The following EXPH5 variants were observed in gnomAD, a reference collection of about 807,000 sequenced individuals.
EXPH5 encodes the protein exophilin 5.
EXPH5 carries 42 observed loss-of-function variants against 41.1 expected under a neutral mutation model. That is an observed-to-expected ratio of 1.02 (90% CI 0.80 to 1.32). The LOEUF (loss-of-function observed/expected upper bound fraction) is 1.32, where lower values mean the gene tolerates loss of function less well. Among genes scored for constraint, EXPH5 ranks in the 40% most tolerant of loss-of-function variants. The pLI is 0.00. For synonymous variants in EXPH5, 798 were observed against 833.5 expected (o/e 0.96, Z 0.73); for missense variants, 2,298 against 2,314.5 (o/e 0.99, Z 0.15).
chr11:108,582,338 G>T (rs554302444), intron 1 of EXPH5, among the ~76,000 whole-genome samples: 2 of 152,118 alleles, frequency 1.3e-5, no homozygotes, highest in South Asian at 2.1e-4. Flanking sequence ...GGTGGCACAC[G>T]CCTGTAGTCC....
At chr11:108,537,073 A>T (rs1405107530) in intron 3 of EXPH5, among the ~76,000 whole-genome samples, 1 of 152,070 alleles carries the variant, frequency 6.6e-6, no homozygotes, top group East Asian at 1.9e-4. Context: ...TTGATTTTCT[A>T]TTTCAGATCA....
chr11:108,525,382 CA>C (rs2093791786), intron 4 of EXPH5, among the ~76,000 whole-genome samples: 1 of 152,150 alleles, frequency 6.6e-6, no homozygotes, highest in Non-Finnish European at 1.5e-5. Flanking sequence ...AGAGTTTGTT[CA>C]GAGATAAGGA....
intron 1 of EXPH5, among the ~76,000 whole-genome samples, chr11:108,562,438 A>T (rs1044186245): frequency 6.6e-6 from 1 of 150,686 alleles, no homozygotes; most frequent in Non-Finnish European, 1.5e-5. Context: ...CTAAACAACA[A>T]CAAAAAAAAA....
At chr11:108,563,473 T>G (rs2094021502) in intron 1 of EXPH5, among the ~76,000 whole-genome samples, 1 of 152,094 alleles carries the variant, frequency 6.6e-6, no homozygotes, top group East Asian at 1.9e-4. Context: ...GGTGAACCCC[T>G]GGATTCCTAG....
At chr11:108,531,463 T>C (rs4754326) in intron 3 of EXPH5, among the ~76,000 whole-genome samples, 45,321 of 152,092 alleles carry the variant, frequency 0.3, 8,908 homozygotes, top group African/African-American at 0.56. Context: ...AAAATCTTAA[T>C]ATGACATAAG....
At position 108,514,338 on chromosome 11, in the gene EXPH5, C is replaced by T; in HGVS notation, c.1169G>A (p.Arg390Lys). The part of the protein sequence containing the change: ...RDRENQEEFL[R>K]APSPMEIDPA... The stretch of plus-strand genomic sequence containing the variant: ...ATCAATTTCCATTGGTGATGGTGCC[C>T]TCAGGAACTCTTCCTGGTTCTCCCT... Residue 390 changes from arginine (R) to lysine (K), a missense_variant, in exon 6 of 6, where the codon AGG (arginine) becomes AAG (lysine). Physicochemically the swap from Arg to Lys is conservative, Grantham distance 26. Transcript: ENST00000265843. The T allele has an allele frequency of 6.2e-7, 1 of 1,613,304 alleles. No individual in the cohort carries two copies. The highest frequency in any genetic ancestry group is 8.5e-7 in the Non-Finnish European group (1 of 1,179,610).
the EXPH5 span, among the ~76,000 whole-genome samples, chr11:108,605,397 A>C: frequency 6.6e-6 from 1 of 152,212 alleles, no homozygotes; most frequent in African/African-American, 2.4e-5. Context: ...ACTGTGTGAC[A>C]TATTAGAACA....
Position 108,593,575 on chromosome 11 carries a change from C to G in EXPH5, c.-39G>C. On this transcript the variant is annotated 5_prime_UTR_variant, in exon 1 of 6. Coordinates refer to ENST00000265843, the MANE Select transcript of EXPH5 (RefSeq NM_015065.3). The stretch of plus-strand genomic sequence containing the variant: ...TGTGAGTTACACTTAAGCTCCTTGG[C>G]GCCTCCTGTTAGGAAGGCATTTTTC... 6.2e-7 allele frequency: 1 copy of G among 1,613,504 alleles called. No homozygotes were observed. The highest frequency in any genetic ancestry group is 2.2e-5 in the East Asian group (1 of 44,888).
chr11:108,525,456 A>C (rs945360050), intron 4 of EXPH5, among the ~76,000 whole-genome samples: 1 of 152,198 alleles, frequency 6.6e-6, no homozygotes, highest in Non-Finnish European at 1.5e-5. Flanking sequence ...CAAAATGTCA[A>C]TGGTGCTGAG....
intron 4 of EXPH5, among the ~76,000 whole-genome samples, chr11:108,521,446 A>C (rs1209905158): frequency 3.9e-5 from 6 of 152,210 alleles, no homozygotes; most frequent in African/African-American, 9.6e-5. Context: ...CTACTCACAA[A>C]GGAGATTTAT....
At chr11:108,537,764 A>G (rs938772593) in intron 3 of EXPH5, among the ~76,000 whole-genome samples, 1 of 152,264 alleles carries the variant, frequency 6.6e-6, no homozygotes, top group African/African-American at 2.4e-5. Flanking sequence ...TAGATGGTTC[A>G]GCTATACAAC....
intron 4 of EXPH5, among the ~76,000 whole-genome samples, chr11:108,521,816 A>C (rs2093766641): frequency 1.3e-5 from 2 of 152,210 alleles, no homozygotes; most frequent in South Asian, 4.1e-4. Flanking sequence ...AGAGAACAGT[A>C]GGCATAATTC....
At chr11:108,592,551 G>T (rs1248142560) in intron 1 of EXPH5, among the ~76,000 whole-genome samples, 1 of 152,170 alleles carries the variant, frequency 6.6e-6, no homozygotes, top group Admixed American at 6.5e-5. Flanking sequence ...GACTTAGATG[G>T]ATATATTCCA....
chr11:108,541,592 C>G (rs931055130), intron 2 of EXPH5, 60 bp downstream of exon 2: 2 of 1,214,698 alleles, frequency 1.6e-6, no homozygotes, highest in South Asian at 1.4e-5. Context: ...GGGCCATTAT[C>G]TACAATACTA....
chr11:108,512,964 TG>T lies in EXPH5; in HGVS notation c.2542del (p.His848ThrfsTer6), dbSNP rs2135920313. On this transcript the variant is annotated frameshift_variant, in exon 6 of 6. Transcript: ENST00000265843. LOFTEE classifies it low-confidence loss of function (END_TRUNC). ...AGTATCAGTCAGTGCAGAGCTCCAG[TG>T]GTTATTTGTAATAATTCTTGAAATA... is the stretch of plus-strand genomic sequence containing the variant. Reference protein sequence around the residue: ...EDISRIITNNHWSSALTDTQN... With the variant: ...EDISRIITNNXWSSALTDTQN... The T allele has an allele frequency of 6.2e-7, 1 of 1,612,460 alleles. No individual in the cohort carries two copies. The highest frequency in any genetic ancestry group is 1.7e-4 in the Middle Eastern group (1 of 6,050).
chr11:108,522,168 C>T (rs962716686), intron 4 of EXPH5, among the ~76,000 whole-genome samples: 1 of 151,512 alleles, frequency 6.6e-6, no homozygotes, highest in Middle Eastern at 3.5e-3. Flanking sequence ...TCAACTGTAA[C>T]TCTGCAAGGG....
At chr11:108,598,508 G>A (rs1351888978), upstream of EXPH5, among the ~76,000 whole-genome samples, 6 of 136,158 alleles carry the variant, frequency 4.4e-5, no homozygotes, top group South Asian at 1.1e-3. Context: ...GATTTACCAC[G>A]TGTGATAAAC....
chr11:108,542,121 C>A (rs1340735629), intron 1 of EXPH5, among the ~76,000 whole-genome samples: 1 of 152,164 alleles, frequency 6.6e-6, no homozygotes, highest in Non-Finnish European at 1.5e-5. Context: ...CTCAAGCGAT[C>A]TGCATGCCTC....
At position 108,512,664 on chromosome 11, in the gene EXPH5, C is replaced by A. The variant is rs926403890; in HGVS notation, c.2843G>T (p.Ser948Ile). The A allele has an allele frequency of 1.9e-6, 3 of 1,614,122 alleles. No individual in the cohort carries two copies. Among genetic ancestry groups the A allele is most frequent in the Admixed American group, 1.7e-5 (1 of 60,022 alleles). Residue 948 changes from serine (S) to isoleucine (I), a missense_variant, in exon 6 of 6, where the codon AGT becomes ATT. Ser to Ile is a moderately radical substitution (Grantham distance 142). Coordinates refer to ENST00000265843, the MANE Select transcript of EXPH5 (RefSeq NM_015065.3). ...CACTTCATCATGTGTAGGCACAGGA[C>A]TATCATTTCTCTCTTGGTTTTCTGA... Reference protein sequence around the residue: ...SHSENQERNDSPVPTHDEVVD... With the variant: ...SHSENQERNDIPVPTHDEVVD...
Sources: allele counts gnomAD v4.1 joint callset (sites outside exome capture counted in the v4.1 genomes callset), GRCh38; gene constraint gnomAD v4.1.1; transcripts MANE v1.5; gene names NCBI Gene and HGNC (gene_info 2026-07-23, HGNC 2026-07-21).